CSMD1: variants seen among roughly 807,000 people sequenced by gnomAD.
The protein encoded by CSMD1 is CUB and Sushi multiple domains 1, also known as CUB and sushi domain-containing protein 1.
In CSMD1, 213 loss-of-function variants were observed where a neutral mutation model predicts 417.5. The ratio of observed to expected loss-of-function variants is 0.51; its 90% CI spans 0.46 to 0.57. The LOEUF (loss-of-function observed/expected upper bound fraction) is 0.57. Ranked by LOEUF, CSMD1 falls within the 20% of genes least tolerant of loss-of-function variation. CSMD1 has a pLI of 0.00. For synonymous variants in CSMD1, 2,862 were observed against 1,736.8 expected (o/e 1.65, Z -16.11); for missense variants, 6,923 against 4,529.7 (o/e 1.53, Z -15.17).
intron 2 of CSMD1, among the ~76,000 whole-genome samples, chr8:4,603,358 A>G (rs13260653): frequency 6.6e-6 from 1 of 151,778 alleles, no homozygotes; most frequent in Non-Finnish European, 1.5e-5. Flanking sequence ...ATTTAAACTC[A>G]TATCAAAACA....
chr8:4,556,263 G>A (rs886623872), intron 2 of CSMD1, among the ~76,000 whole-genome samples: 2 of 152,024 alleles, frequency 1.3e-5, no homozygotes, highest in South Asian at 2.1e-4. Flanking sequence ...TTATTTTATG[G>A]TTCTTTTAAA....
At chr8:4,727,018 C>A (rs981140684) in intron 1 of CSMD1, among the ~76,000 whole-genome samples, 1 of 151,984 alleles carries the variant, frequency 6.6e-6, no homozygotes, top group Non-Finnish European at 1.5e-5. Flanking sequence ...ACTGGAATAC[C>A]AGCAGAAAGG....
chr8:4,686,136 A>G (rs1009489970), intron 1 of CSMD1, among the ~76,000 whole-genome samples: 1 of 152,176 alleles, frequency 6.6e-6, no homozygotes, highest in Non-Finnish European at 1.5e-5. Flanking sequence ...ATGCCAAATT[A>G]TGTGCTATTC....
chr8:3,018,542 AC>A lies in CSMD1; in HGVS notation c.7963del (p.Val2655TrpfsTer33). On this transcript the variant is annotated frameshift_variant, in exon 52 of 70. Coordinates refer to ENST00000635120, the MANE Select transcript of CSMD1 (RefSeq NM_033225.6). LOFTEE classifies it high-confidence loss of function. ...IFTCNTGYTL[V>X]GSHVRECLAN... ...CAAGCACTCTCTGACATGAGACCCC[AC>A]AAGCGTGTAGCCGGTGTTGCACGTA... 1 of 1,613,856 alleles carries A rather than the reference AC, an allele frequency of 6.2e-7. No homozygotes were observed. Among genetic ancestry groups the A allele is most frequent in the Non-Finnish European group, 8.5e-7 (1 of 1,179,838 alleles).
In CSMD1 at chr8:4,585,580, G is replaced by A. The variant is rs556699224; in HGVS notation, c.302+51762C>T. 1.4e-4 allele frequency among the ~76,000 whole-genome samples: 21 copies of A among 152,256 alleles called. No homozygotes were observed. The South Asian group carries it at 4.1e-3, about 30-fold the overall frequency. ...AGCAGAAGTGAAAAGGTAGAATTCAGATGAAAGAAACCAAATTACAAAGAG... is the reference window on the plus strand; with the variant it reads ...AGCAGAAGTGAAAAGGTAGAATTCAAATGAAAGAAACCAAATTACAAAGAG... On this transcript the variant is annotated intron_variant, in intron 2 of 69. Coordinates refer to ENST00000635120, the MANE Select transcript of CSMD1 (RefSeq NM_033225.6).
In CSMD1 at chr8:4,124,435, AG is replaced by A. The variant is rs369747865; in HGVS notation, c.416-92337del. On this transcript the variant is annotated intron_variant, in intron 3 of 69. Transcript: ENST00000635120. Reference sequence around the variant, plus strand: ...TTTTTTTCCCTTTAGTGTAGAAGGGAGGAAACCCACGAAGCTGCAGATGGCC... The same window carrying A: ...TTTTTTTCCCTTTAGTGTAGAAGGGAGAAACCCACGAAGCTGCAGATGGCC... 1.1e-3 allele frequency among the ~76,000 whole-genome samples: 166 copies of A among 152,140 alleles called. 3 individuals are homozygous for A. The South Asian group carries it at 0.034, about 31-fold the overall frequency.
chr8:3,343,220 C>A, intron 23 of CSMD1, 74 bp downstream of exon 23: 1 of 1,331,722 alleles, frequency 7.5e-7, no homozygotes. Context: ...ATATTTAAAA[C>A]TTAATATAAG....
chr8:3,787,852 G>T (rs1799532609), intron 5 of CSMD1, among the ~76,000 whole-genome samples: 1 of 152,168 alleles, frequency 6.6e-6, no homozygotes, highest in Non-Finnish European at 1.5e-5. Context: ...AGCAAGAAAA[G>T]TTCTATCACA....
intron 3 of CSMD1, among the ~76,000 whole-genome samples, chr8:4,145,356 T>C (rs1016278184): frequency 6.6e-6 from 1 of 151,036 alleles, no homozygotes; most frequent in Admixed American, 6.6e-5. Flanking sequence ...GTCAGAAAGA[T>C]CTGGAAAAAT....
intron 12 of CSMD1, among the ~76,000 whole-genome samples, chr8:3,439,153 C>CAAAAA (rs1563390140): frequency 7.5e-5 from 3 of 39,892 alleles, no homozygotes; most frequent in Non-Finnish European, 1.3e-4. Flanking sequence ...AAAAAAAAAA[C>CAAAAA]CAAGAAAAAA....
intron 3 of CSMD1, among the ~76,000 whole-genome samples, chr8:4,210,819 C>G (rs924515320): frequency 7.2e-5 from 11 of 152,092 alleles, no homozygotes; most frequent in Admixed American, 3.3e-4. Flanking sequence ...GACTATCAGT[C>G]TTGGAAAGAA....
At chr8:3,801,714 A>G (rs1800469690) in intron 5 of CSMD1, among the ~76,000 whole-genome samples, 1 of 152,198 alleles carries the variant, frequency 6.6e-6, no homozygotes, top group Non-Finnish European at 1.5e-5. Context: ...AAAATATGGA[A>G]ACAATTCAAG....
At chr8:4,164,488 G>C (rs532547254) in intron 3 of CSMD1, among the ~76,000 whole-genome samples, 2 of 151,942 alleles carry the variant, frequency 1.3e-5, no homozygotes, top group African/African-American at 2.4e-5. Flanking sequence ...CTAATCAAAC[G>C]CAATGCCAGC....
At chr8:4,651,762 C>A (rs1016029186) in intron 1 of CSMD1, among the ~76,000 whole-genome samples, 1 of 152,192 alleles carries the variant, frequency 6.6e-6, no homozygotes, top group African/African-American at 2.4e-5. Context: ...TACTCCCCAT[C>A]TGTATTTAAT....
chr8:4,417,473 A>T (rs1046375037), intron 3 of CSMD1, among the ~76,000 whole-genome samples: 34 of 152,066 alleles, frequency 2.2e-4, no homozygotes, highest in African/African-American at 8.2e-4. Context: ...TTAAAATTTT[A>T]TGCAGCAGTC....
chr8:3,909,411 G>A (rs945904165), intron 5 of CSMD1, among the ~76,000 whole-genome samples: 1 of 152,128 alleles, frequency 6.6e-6, no homozygotes, highest in African/African-American at 2.4e-5. Flanking sequence ...ATGAGCTCAA[G>A]GGTGCCGAGG....
At chr8:3,379,009 T>C (rs1004042371) in intron 18 of CSMD1, among the ~76,000 whole-genome samples, 1 of 152,186 alleles carries the variant, frequency 6.6e-6, no homozygotes, top group Non-Finnish European at 1.5e-5. Flanking sequence ...CATTTTCTCA[T>C]CTCAAAATCT....
At chr8:4,304,746 G>C (rs1389199713) in intron 3 of CSMD1, among the ~76,000 whole-genome samples, 3 of 152,080 alleles carry the variant, frequency 2.0e-5, no homozygotes, top group Non-Finnish European at 4.4e-5. Flanking sequence ...TAAAAGAAAA[G>C]ACCAAAAAAT....
chr8:3,635,774 C>A (rs1254735465), intron 7 of CSMD1, among the ~76,000 whole-genome samples: 1 of 140,580 alleles, frequency 7.1e-6, no homozygotes, highest in Non-Finnish European at 1.5e-5. Context: ...TGAACCTCTG[C>A]GCCCAGCTGC....
Sources: allele counts gnomAD v4.1 joint callset (sites outside exome capture counted in the v4.1 genomes callset), GRCh38; gene constraint gnomAD v4.1.1; transcripts MANE v1.5; gene names NCBI Gene and HGNC (gene_info 2026-07-23, HGNC 2026-07-21).